PTPRT: variants seen among roughly 807,000 people sequenced by gnomAD.
The protein encoded by PTPRT is protein tyrosine phosphatase receptor type T.
Under a neutral mutation model 176.8 loss-of-function variants are expected in PTPRT, and 56 were observed. The ratio of observed to expected loss-of-function variants is 0.32; its 90% CI spans 0.26 to 0.40. The LOEUF is 0.40. Among genes scored for constraint, PTPRT ranks in the 10% least tolerant of loss-of-function variants. The pLI is 1.00. For missense variants in PTPRT, 1,540 were observed against 1,908.2 expected, an observed-to-expected ratio of 0.81 and a Z score of 3.60; for synonymous variants, 783 against 739.0, an observed-to-expected ratio of 1.06 and a Z score of -0.96.
intron 1 of PTPRT, among the ~76,000 whole-genome samples, chr20:43,176,341 T>A (rs1160241441): frequency 6.6e-6 from 1 of 152,258 alleles, no homozygotes. Context: ...ATCAAGACCC[T>A]GAGATATGAT....
At chr20:42,053,042 CCAATA>C in the PTPRT span, among the ~76,000 whole-genome samples, 6 of 152,102 alleles carry the variant, frequency 3.9e-5, no homozygotes, top group Non-Finnish European at 8.8e-5. Context: ...TGGCTGTGTT[CCAATA>C]CATTATTATT....
chr20:42,076,008 G>A lies in PTPRT; in HGVS notation c.*4871C>T, dbSNP rs1381939441. 3.1e-5 allele frequency: 7 copies of A among 223,624 alleles called. 1 individual carries two copies. Among genetic ancestry groups the A allele is most frequent in the African/African-American group, 2.2e-5 (1 of 44,826 alleles). 13.9% of individuals were successfully genotyped at this position (223,624 alleles called of 1,614,324 possible). ...CTGGGTTCCAGTTTCCTGGCCTTGC[G>A]TTCCTGTTTTCCTGCCTAAAGTGCT... is the stretch of plus-strand genomic sequence containing the variant. On this transcript the variant is annotated 3_prime_UTR_variant, in exon 31 of 31. Coordinates refer to ENST00000373187, the MANE Select transcript of PTPRT (RefSeq NM_007050.6).
chr20:42,712,914 G>A (rs2076166453), intron 6 of PTPRT, among the ~76,000 whole-genome samples: 14 of 152,074 alleles, frequency 9.2e-5, no homozygotes. Flanking sequence ...AATAAATGAT[G>A]GTGCGTGCAT....
At chr20:42,900,967 G>C (rs577234424) in intron 1 of PTPRT, among the ~76,000 whole-genome samples, 3 of 152,132 alleles carry the variant, frequency 2.0e-5, no homozygotes, top group Non-Finnish European at 4.4e-5. Context: ...AGGACTGATT[G>C]TATCTTGAGT....
rs1568774033 is a variant in PTPRT at position 43,083,343 on chromosome 20, T to TACAC, written c.88+106302_88+106303insGTGT. Among the ~76,000 whole-genome samples, 36 of 115,304 alleles carry TACAC rather than the reference T, an allele frequency of 3.1e-4. 1 individual carries two copies. The highest frequency in any genetic ancestry group is 1.0e-3 in the African/African-American group (32 of 30,984). 75.6% of individuals were successfully genotyped at this position (115,304 alleles called of 152,430 possible). On this transcript the variant is annotated intron_variant, in intron 1 of 30. Transcript: ENST00000373187. Reference sequence around the variant, plus strand: ...ATGTATATATATATATATATATATATATATATATATATATATATATATATA... The same window carrying TACAC: ...ATGTATATATATATATATATATATATACACATATATATATATATATATATATATA...
chr20:42,364,444 C>T (rs1455313059), intron 9 of PTPRT, among the ~76,000 whole-genome samples: 1 of 152,102 alleles, frequency 6.6e-6, no homozygotes, highest in African/African-American at 2.4e-5. Flanking sequence ...TTGTATTCGC[C>T]CCTACTTACT....
At chr20:42,314,445 C>T (rs1329748145) in intron 12 of PTPRT, among the ~76,000 whole-genome samples, 2 of 148,600 alleles carry the variant, frequency 1.3e-5, no homozygotes, top group Non-Finnish European at 3.0e-5. Context: ...AGGAGAAGAG[C>T]GTGAACCTGG....
chr20:42,750,015 G>GA (rs1349584090), intron 6 of PTPRT, among the ~76,000 whole-genome samples: 2 of 151,912 alleles, frequency 1.3e-5, no homozygotes, highest in East Asian at 3.9e-4. Context: ...TGTAAATGCT[G>GA]AAAAAAAACT....
chr20:42,565,720 A>G (rs1450214516), intron 7 of PTPRT, among the ~76,000 whole-genome samples: 1 of 152,128 alleles, frequency 6.6e-6, no homozygotes, highest in African/African-American at 2.4e-5. Context: ...TGTGGGTCTG[A>G]AGGCCTTTGG....
chr20:42,921,415 C>T (rs1011863011), intron 1 of PTPRT, among the ~76,000 whole-genome samples: 1 of 151,120 alleles, frequency 6.6e-6, no homozygotes, highest in African/African-American at 2.4e-5. Context: ...ATAGTGAGAT[C>T]TCTACAAAAA....
At chr20:42,647,066 A>T (rs943689703) in intron 7 of PTPRT, among the ~76,000 whole-genome samples, 1 of 151,082 alleles carries the variant, frequency 6.6e-6, no homozygotes, top group Non-Finnish European at 1.5e-5. Context: ...GCTACTTTTT[A>T]AAAATTGTTT....
chr20:42,659,672 A>T (rs1337671568), intron 7 of PTPRT, among the ~76,000 whole-genome samples: 2 of 152,180 alleles, frequency 1.3e-5, no homozygotes, highest in Non-Finnish European at 2.9e-5. Flanking sequence ...AAGGTAATTA[A>T]GGGTTATGTT....
In PTPRT at chr20:42,138,329, C is replaced by T. The variant is rs76058133; in HGVS notation, c.2770+3586G>A. ...GGAGGTACTTACTCCTCCAGCACCCCTTGGTGGGGTCACCATGGGTGGCTG... is the reference window on the plus strand; with the variant it reads ...GGAGGTACTTACTCCTCCAGCACCCTTTGGTGGGGTCACCATGGGTGGCTG... On this transcript the variant is annotated intron_variant, in intron 18 of 30. Transcript: ENST00000373187. Among the ~76,000 whole-genome samples, 1,414 of 152,306 alleles carry T rather than the reference C, an allele frequency of 9.3e-3. 21 individuals carry two copies. Among genetic ancestry groups the T allele is most frequent in the African/African-American group, 0.032 (1,311 of 41,564 alleles).
intron 3 of PTPRT, among the ~76,000 whole-genome samples, chr20:42,790,555 C>T (rs2077359326): frequency 1.3e-5 from 2 of 152,168 alleles, no homozygotes; most frequent in African/African-American, 4.8e-5. Context: ...ATCTGCTTGT[C>T]CCTGCAGGCT....
chr20:42,529,477 A>T (rs2072339152), intron 7 of PTPRT, among the ~76,000 whole-genome samples: 1 of 152,106 alleles, frequency 6.6e-6, no homozygotes, highest in South Asian at 2.1e-4. Flanking sequence ...GGCGCCTTGC[A>T]CAAAGTCAAT....
chr20:42,963,028 C>T (rs1260654535), intron 1 of PTPRT, among the ~76,000 whole-genome samples: 1 of 152,004 alleles, frequency 6.6e-6, no homozygotes, highest in African/African-American at 2.4e-5. Context: ...GAAACCCCGT[C>T]TCTATTAAAA....
intron 2 of PTPRT, among the ~76,000 whole-genome samples, chr20:42,836,089 A>T (rs1381951328): frequency 1.3e-5 from 2 of 152,004 alleles, no homozygotes; most frequent in Non-Finnish European, 2.9e-5. Flanking sequence ...ACCTCTCCCT[A>T]GCTCTAGAAT....
At chr20:42,408,604 TG>T (rs2058983219) in intron 9 of PTPRT, among the ~76,000 whole-genome samples, 2 of 39,258 alleles carry the variant, frequency 5.1e-5, no homozygotes, top group Non-Finnish European at 1.1e-4. Context: ...ATCTATCCTG[TG>T]TTTTTTTTTT....
intron 7 of PTPRT, among the ~76,000 whole-genome samples, chr20:42,575,777 T>C (rs1444361280): frequency 2.0e-5 from 3 of 152,118 alleles, no homozygotes; most frequent in Non-Finnish European, 4.4e-5. Context: ...TGTTACCTTC[T>C]AAAGATCTCC....
Sources: gnomAD v4.1 joint callset for allele counts (sites outside exome capture counted in the v4.1 genomes callset) on GRCh38, gnomAD v4.1.1 for gene constraint, MANE v1.5 for transcripts, NCBI Gene and HGNC (gene_info 2026-07-23, HGNC 2026-07-21) for gene names.